The following AUTS2 variants were observed in gnomAD, a reference collection of about 807,000 sequenced individuals.
The protein encoded by AUTS2 is autism susceptibility gene 2 protein.
In AUTS2, 17 loss-of-function variants were observed where a neutral mutation model predicts 112.4. The observed-to-expected ratio is 0.15, with a 90% CI of 0.10 to 0.23. The LOEUF (loss-of-function observed/expected upper bound fraction) is 0.23, where lower values mean the gene tolerates loss of function less well. Ranked by LOEUF, AUTS2 falls within the 10% of genes least tolerant of loss-of-function variation. AUTS2 has a pLI of 1.00. For missense variants in AUTS2, 1,510 were observed against 1,701.6 expected, an observed-to-expected ratio of 0.89 and a Z score of 1.98; for synonymous variants, 751 against 702.7, an observed-to-expected ratio of 1.07 and a Z score of -1.09.
chr7:70,210,537 T>G (rs1810824380), intron 4 of AUTS2, among the ~76,000 whole-genome samples: 1 of 152,236 alleles, frequency 6.6e-6, no homozygotes, highest in Non-Finnish European at 1.5e-5. Flanking sequence ...GGTTTTTAGC[T>G]TTGACCATAA....
intron 1 of AUTS2, among the ~76,000 whole-genome samples, chr7:69,874,457 C>G (rs1453870368): frequency 1.3e-5 from 2 of 152,162 alleles, no homozygotes; most frequent in African/African-American, 4.8e-5. Context: ...CATGCTTAAA[C>G]TTGCACTTTG....
intron 2 of AUTS2, among the ~76,000 whole-genome samples, chr7:70,048,297 C>T (rs1392350037): frequency 6.6e-6 from 1 of 152,206 alleles, no homozygotes; most frequent in African/African-American, 2.4e-5. Context: ...CATGCTGTTT[C>T]CTGTGTTTGC....
chr7:69,729,994 ATTTTTTTTTTTT>A, intron 1 of AUTS2, among the ~76,000 whole-genome samples: 1 of 56,760 alleles, frequency 1.8e-5, no homozygotes, highest in South Asian at 6.7e-4. Context: ...TGTTGTTTTA[ATTTTTTTTTTTT>A]TTTTTTTTTT....
intron 4 of AUTS2, among the ~76,000 whole-genome samples, chr7:70,327,099 G>A (rs1263184559): frequency 6.6e-6 from 1 of 151,812 alleles, no homozygotes; most frequent in Non-Finnish European, 1.5e-5. Context: ...TATATTTTTA[G>A]TAGAGACAGC....
At chr7:70,528,684 A>G (rs2129497112) in intron 5 of AUTS2, among the ~76,000 whole-genome samples, 1 of 152,166 alleles carries the variant, frequency 6.6e-6, no homozygotes, top group Admixed American at 6.5e-5. Flanking sequence ...GGCTGAGGCA[A>G]AGGATCACGT....
chr7:70,263,923 G>A (rs1400632892), intron 4 of AUTS2, among the ~76,000 whole-genome samples: 1 of 152,134 alleles, frequency 6.6e-6, no homozygotes, highest in African/African-American at 2.4e-5. Flanking sequence ...CCCAGCTTGA[G>A]GCAAACAATT....
intron 2 of AUTS2, among the ~76,000 whole-genome samples, chr7:69,983,665 G>T (rs1798389128): frequency 6.6e-6 from 1 of 152,038 alleles, no homozygotes; most frequent in Non-Finnish European, 1.5e-5. Flanking sequence ...AAAGATAAAG[G>T]CATTTTTATT....
chr7:69,860,919 G>C (rs890882433), intron 1 of AUTS2, among the ~76,000 whole-genome samples: 4 of 152,062 alleles, frequency 2.6e-5, no homozygotes, highest in African/African-American at 9.7e-5. Context: ...TCAGATGTCC[G>C]ATGTCATGAT....
At chr7:69,704,674 C>T (rs1191964879) in intron 1 of AUTS2, among the ~76,000 whole-genome samples, 2 of 152,118 alleles carry the variant, frequency 1.3e-5, no homozygotes, top group Non-Finnish European at 1.5e-5. Flanking sequence ...CCAGTAGCCA[C>T]CCTGCAGTAG....
intron 2 of AUTS2, among the ~76,000 whole-genome samples, chr7:70,012,353 C>T (rs977170790): frequency 3.3e-5 from 5 of 152,044 alleles, no homozygotes; most frequent in Non-Finnish European, 7.4e-5. Context: ...GTAAGAGGCC[C>T]CCTTGGTAAA....
At chr7:69,912,081 G>A (rs559570267) in intron 2 of AUTS2, among the ~76,000 whole-genome samples, 1 of 152,340 alleles carries the variant, frequency 6.6e-6, no homozygotes, top group African/African-American at 2.4e-5. Flanking sequence ...CCCAAAATCT[G>A]GAGGGGGTGC....
chr7:70,277,773 A>G (rs1299607463), intron 4 of AUTS2, among the ~76,000 whole-genome samples: 1 of 152,170 alleles, frequency 6.6e-6, no homozygotes, highest in African/African-American at 2.4e-5. Context: ...TGTGTATGTC[A>G]GGGCCCAGAC....
At chr7:70,332,111 A>G (rs1790779445) in intron 4 of AUTS2, among the ~76,000 whole-genome samples, 1 of 152,246 alleles carries the variant, frequency 6.6e-6, no homozygotes, top group Non-Finnish European at 1.5e-5. Context: ...AACTTCAGCA[A>G]AATCCCAGGA....
chr7:70,186,775 G>A (rs1809627541), intron 4 of AUTS2, among the ~76,000 whole-genome samples: 1 of 152,100 alleles, frequency 6.6e-6, no homozygotes, highest in African/African-American at 2.4e-5. Context: ...TCACCTGTTG[G>A]CCAGGCTGGT....
chr7:70,767,590 T>G (rs1192641332), intron 9 of AUTS2, among the ~76,000 whole-genome samples: 1 of 152,188 alleles, frequency 6.6e-6, no homozygotes, highest in Non-Finnish European at 1.5e-5. Flanking sequence ...TCACTTTGTA[T>G]TTGGGTATAA....
chr7:70,480,028 A>G (rs1797729499), intron 5 of AUTS2, among the ~76,000 whole-genome samples: 1 of 152,216 alleles, frequency 6.6e-6, no homozygotes, highest in African/African-American at 2.4e-5. Context: ...GAGGCAGAGT[A>G]TGGTATGGCT....
chr7:70,110,910 C>A (rs1465633929), intron 2 of AUTS2, among the ~76,000 whole-genome samples: 1 of 135,044 alleles, frequency 7.4e-6, no homozygotes, highest in Non-Finnish European at 1.5e-5. Context: ...TCGCCCCAGT[C>A]GCCCAGGCTG....
intron 5 of AUTS2, among the ~76,000 whole-genome samples, chr7:70,646,013 C>T (rs767238395): frequency 1.3e-5 from 2 of 152,252 alleles, no homozygotes; most frequent in Non-Finnish European, 2.9e-5. Flanking sequence ...CATGCTTTAG[C>T]GAGGCGATAA....
intron 1 of AUTS2, among the ~76,000 whole-genome samples, chr7:69,637,481 C>T (rs571879986): frequency 6.6e-6 from 1 of 152,316 alleles, no homozygotes; most frequent in African/African-American, 2.4e-5. Context: ...TTCCCAGTAT[C>T]AGGTGAAAGA....
Sources: allele counts gnomAD v4.1 joint callset (sites outside exome capture counted in the v4.1 genomes callset), GRCh38; gene constraint gnomAD v4.1.1; transcripts MANE v1.5; gene names NCBI Gene and HGNC (gene_info 2026-07-23, HGNC 2026-07-21).